Variants in TUBGCP6 observed in about 807,000 individuals in gnomAD.
The protein encoded by TUBGCP6 is gamma-tubulin complex component 6.
Under a neutral mutation model 175.8 loss-of-function variants are expected in TUBGCP6, and 161 were observed. That is an observed-to-expected ratio of 0.92 (90% CI 0.81 to 1.04). The LOEUF is 1.04. Ranked by LOEUF, TUBGCP6 falls within the 50% of genes least tolerant of loss-of-function variation. The pLI is 0.00. For synonymous variants in TUBGCP6, 1,173 were observed against 1,030.5 expected (o/e 1.14, Z -2.65); for missense variants, 2,572 against 2,433.0 (o/e 1.06, Z -1.20).
chr22:50,221,687 G>A lies in TUBGCP6; in HGVS notation c.2672C>T (p.Ser891Phe). ...GAAGTCTCCAATGCTGAGGCTGTCAGAGAAGGGTCTGGCCCCCTCCGCCTG... is the reference window on the plus strand; with the variant it reads ...GAAGTCTCCAATGCTGAGGCTGTCAAAGAAGGGTCTGGCCCCCTCCGCCTG... Reference protein sequence around the residue: ...LQQAEGARPFSDSLSIGDFLP... With the variant: ...LQQAEGARPFFDSLSIGDFLP... Residue 891 changes from serine to phenylalanine, a missense_variant, in exon 16 of 25, where the codon TCT (serine) becomes TTT (phenylalanine). Transcript: ENST00000248846. 6.6e-7 allele frequency: 1 copy of A among 1,518,312 alleles called. No individual in the cohort carries two copies. The highest frequency in any genetic ancestry group is 8.8e-7 in the Non-Finnish European group (1 of 1,134,786). The allele number at this position is 1,518,312 out of a possible 1,614,324, so 94.1% of individuals were successfully genotyped here. A position where few individuals can be genotyped will look rare whatever the true frequency, so the allele number is the denominator to read the frequency against.
In TUBGCP6 at chr22:50,226,121, G is replaced by A; in HGVS notation, c.1762C>T (p.Leu588=). 6.2e-7 allele frequency: 1 copy of A among 1,614,180 alleles called. No individual in the cohort carries two copies. The highest frequency in any genetic ancestry group is 8.5e-7 in the Non-Finnish European group (1 of 1,180,042). Residue 588 remains leucine, a synonymous_variant, in exon 9 of 25, where the codon CTG becomes TTG. Transcript: ENST00000248846. ...TATATGTCGTGGGCAATGTGCTTCA[G>A]AAACACGGGAACACAGTCCTCCACC... The part of the protein sequence containing the change: ...KEVEDCVPVF[L]KHIAHDIYVC...
At chr22:50,226,886 C>T (rs757926392) in intron 6 of TUBGCP6, 44 bp from the exon 7 acceptor site, 188 of 1,557,436 alleles carry the variant, frequency 1.2e-4, no homozygotes, top group Middle Eastern at 3.4e-4. Context: ...GCGCACCCAG[C>T]GCTGGGAGTG....
At chr22:50,230,080 T>A (rs1255686600) in intron 3 of TUBGCP6, among the ~76,000 whole-genome samples, 1 of 151,730 alleles carries the variant, frequency 6.6e-6, no homozygotes, top group Non-Finnish European at 1.5e-5. Context: ...CAGCCGCAAA[T>A]ACCCACGTTA....
Position 50,220,591 on chromosome 22 carries a change from C to T in TUBGCP6, c.3768G>A (p.Val1256=). 1 of 1,613,502 alleles carries T rather than the reference C, an allele frequency of 6.2e-7. No homozygotes were observed. The highest frequency in any genetic ancestry group is 1.1e-5 in the South Asian group (1 of 91,066). Residue 1256 remains valine, a synonymous_variant, in exon 16 of 25, where the codon GTG becomes GTA. Transcript: ENST00000248846. ...SDASISLGEP[V]SDVVSTRPRW... is the part of the protein sequence containing the mutation. ...GTGGCCGGGTGGAAACCACATCCGA[C>T]ACAGGCTCCCCCAAGCTGATGCTGG...
Position 50,244,594 on chromosome 22 carries a change from A to C in TUBGCP6, c.-135T>G. ...GGCGGCCTCTCCAATGCCGAAGCTC[A>C]GAACTGGTATTTTTTAAAGGAGGTC... On this transcript the variant is annotated 5_prime_UTR_variant, in exon 1 of 25. Coordinates refer to ENST00000248846, the MANE Select transcript of TUBGCP6 (RefSeq NM_020461.4). 7.3e-7 allele frequency: 1 copy of C among 1,373,860 alleles called. No homozygotes were observed. Among genetic ancestry groups the C allele is most frequent in the Non-Finnish European group, 9.5e-7 (1 of 1,050,800 alleles). The allele number at this position is 1,373,860 out of a possible 1,614,324, so 85.1% of individuals were successfully genotyped here.
chr22:50,234,616 A>ACAG (rs2064743632), intron 2 of TUBGCP6, among the ~76,000 whole-genome samples: 2 of 116,770 alleles, frequency 1.7e-5, no homozygotes, highest in Admixed American at 9.2e-5. Flanking sequence ...ACCCCTATCC[A>ACAG]CAGCAGCATC....
rs2064468259 is a variant in TUBGCP6 at position 50,219,049 on chromosome 22, C to G, written c.4626+19G>C. 2 of 1,610,992 alleles carry G rather than the reference C, an allele frequency of 1.2e-6. No individual in the cohort carries two copies. Among genetic ancestry groups the G allele is most frequent in the South Asian group, 2.2e-5 (2 of 90,948 alleles). ...GGCCTCCCCTCTACCACTGGCCCCA[C>G]CCCGTGTCCGGAGGCCACCTTCTCA... On this transcript the variant is annotated intron_variant, in intron 20 of 24. Transcript: ENST00000248846.
chr22:50,225,731 C>A, intron 10 of TUBGCP6, 63 bp downstream of exon 10: 1 of 1,556,484 alleles, frequency 6.4e-7, no homozygotes, highest in Non-Finnish European at 8.7e-7. Context: ...CCCCACCAAC[C>A]TGAGACCCCA....
intron 5 of TUBGCP6, 40 bp from the exon 6 acceptor site, chr22:50,227,117 A>T (rs775881964): frequency 1.3e-6 from 2 of 1,563,958 alleles, no homozygotes; most frequent in Non-Finnish European, 1.7e-6. Flanking sequence ...GACCGGGCTC[A>T]GGGTTCCCAG....
At position 50,221,409 on chromosome 22, in the gene TUBGCP6, G is replaced by T; in HGVS notation, c.2950C>A (p.Leu984Met). Residue 984 changes from leucine to methionine, a missense_variant, in exon 16 of 25, where the codon CTG becomes ATG. By Grantham distance (15) the Leu-to-Met change is conservative. Coordinates refer to ENST00000248846, the MANE Select transcript of TUBGCP6 (RefSeq NM_020461.4). ...ATCTTCCCACAACTGTCCTCCCACA[G>T]CTGTAGCCCTGAGCTGCCCAAGCTG... ...ECSLGSSGLQ[L>M]WEDSCGKMDA... is the part of the protein sequence containing the mutation. The T allele has an allele frequency of 1.9e-6, 3 of 1,604,852 alleles. No individual in the cohort carries two copies. The highest frequency in any genetic ancestry group is 2.5e-6 in the Non-Finnish European group (3 of 1,178,332).
At position 50,218,911 on chromosome 22, in the gene TUBGCP6, G is replaced by A. The variant is rs1485182042; in HGVS notation, c.4627-14C>T. On this transcript the variant is annotated splice_polypyrimidine_tract_variant and intron_variant, in intron 20 of 24. Transcript: ENST00000248846. Reference sequence around the variant, plus strand: ...CCCAGCTCCAAGCTAGGCAGAAAAGGGACCACCGTCCCCAGGAGTCCCAAG... The same window carrying A: ...CCCAGCTCCAAGCTAGGCAGAAAAGAGACCACCGTCCCCAGGAGTCCCAAG... 4 of 1,603,618 alleles carry A rather than the reference G, an allele frequency of 2.5e-6. No individual in the cohort carries two copies. The highest frequency in any genetic ancestry group is 2.2e-5 in the East Asian group (1 of 44,714).
chr22:50,220,535 G>A lies in TUBGCP6; in HGVS notation c.3824C>T (p.Pro1275Leu). Residue 1275 changes from proline (P) to leucine (L), a missense_variant, in exon 16 of 25, where the codon CCC becomes CTC. Coordinates refer to ENST00000248846, the MANE Select transcript of TUBGCP6 (RefSeq NM_020461.4). ...RWNTHVPIPP[P>L]HMVLGALSPE... ...TGAGAGAGCCCCCAGCACCATGTGGGGCGGAGGGATGGGTACATGGGTGTT... is the reference window on the plus strand; with the variant it reads ...TGAGAGAGCCCCCAGCACCATGTGGAGCGGAGGGATGGGTACATGGGTGTT... 1 of 1,613,588 alleles carries A rather than the reference G, an allele frequency of 6.2e-7. No individual in the cohort carries two copies. Among genetic ancestry groups the A allele is most frequent in the African/African-American group, 1.3e-5 (1 of 75,066 alleles).
At chr22:50,224,090 T>C (rs2064568682) in intron 13 of TUBGCP6, 51 bp downstream of exon 13, 1 of 1,535,086 alleles carries the variant, frequency 6.5e-7, no homozygotes, top group Non-Finnish European at 9.0e-7. Context: ...GCCAGAGCTA[T>C]GGGGCCCCTG....
intron 8 of TUBGCP6, 22 bp downstream of exon 8, chr22:50,226,265 C>T: frequency 1.2e-6 from 2 of 1,614,044 alleles, no homozygotes; most frequent in South Asian, 2.2e-5. Flanking sequence ...GGACCCCTGC[C>T]CCGCAATCAG....
rs1213593469 is a variant in TUBGCP6, at chr22:50,218,542, G to A, written c.4900C>T (p.Leu1634=). 1.9e-6 allele frequency: 3 copies of A among 1,613,814 alleles called. No homozygotes were observed. Among genetic ancestry groups the A allele is most frequent in the Non-Finnish European group, 2.5e-6 (3 of 1,179,990 alleles). Residue 1634 remains leucine (L), a synonymous_variant, in exon 22 of 25, where the codon CTG becomes TTG. Coordinates refer to ENST00000248846, the MANE Select transcript of TUBGCP6 (RefSeq NM_020461.4). The stretch of plus-strand genomic sequence containing the variant: ...TTGAGCGCCCACATCATGAGCTTCA[G>A]CTGCAGCAGGAAGGAGAAGACGCCG... ...YSGVFSFLLQ[L]KLMMWALKDV...
At chr22:50,232,546 G>A (rs1170962568) in intron 3 of TUBGCP6, among the ~76,000 whole-genome samples, 2 of 151,142 alleles carry the variant, frequency 1.3e-5, no homozygotes, top group Non-Finnish European at 2.9e-5. Flanking sequence ...GCAAGAGAGA[G>A]ACCCTGTCTC....
rs1042921404 is a variant in TUBGCP6 at position 50,243,856 on chromosome 22, A to G, written c.604T>C (p.Cys202Arg). ...TVGLFSFGDP[C>R]GDRFERDTRV... ...GTGTCTCTCTCGAACCTGTCACCAC[A>G]AGGGTCACCAAATGAGAAGAGCCCG... Residue 202 changes from cysteine to arginine, a missense_variant, in exon 1 of 25, where the codon TGT becomes CGT. Coordinates refer to ENST00000248846, the MANE Select transcript of TUBGCP6 (RefSeq NM_020461.4). 5.0e-6 allele frequency: 8 copies of G among 1,613,624 alleles called. No homozygotes were observed. The highest frequency in any genetic ancestry group is 5.9e-6 in the Non-Finnish European group (7 of 1,179,982).
chr22:50,229,530 C>G lies in TUBGCP6; in HGVS notation c.1164G>C (p.Ala388=), dbSNP rs532947239. ...GCAGGCTGCTGATGCTCTCGGGAGACGCTCCTGACACGTGGACGCCCCGCT... is the reference window on the plus strand; with the variant it reads ...GCAGGCTGCTGATGCTCTCGGGAGAGGCTCCTGACACGTGGACGCCCCGCT... ...VVKRGVHVSG[A]SPESISSLLS... The change falls in exon 4 of 25, where the codon GCG becomes GCC. Residue 388 remains alanine, a synonymous_variant. Transcript: ENST00000248846. The G allele has an allele frequency of 6.2e-7, 1 of 1,605,760 alleles. No individual in the cohort carries two copies. The highest frequency in any genetic ancestry group is 8.5e-7 in the Non-Finnish European group (1 of 1,176,600).
Position 50,224,550 on chromosome 22 carries a change from C to T in TUBGCP6, c.2026G>A (p.Ala676Thr). 1 of 1,614,160 alleles carries T rather than the reference C, an allele frequency of 6.2e-7. No homozygotes were observed. The change falls in exon 11 of 25, where the codon GCC becomes ACC. Residue 676 changes from alanine to threonine, a missense_variant. Coordinates refer to ENST00000248846, the MANE Select transcript of TUBGCP6 (RefSeq NM_020461.4). ...AGGACCCTGGATGCTGCTTCCCGGG[C>T]ATGAGCGATTAATTCTTGTTTTGCA... is the stretch of plus-strand genomic sequence containing the variant. ...EIAKQELIAH[A>T]REAASRVLSA...
Sources: gnomAD v4.1 joint callset for allele counts (sites outside exome capture counted in the v4.1 genomes callset) on GRCh38, gnomAD v4.1.1 for gene constraint, MANE v1.5 for transcripts, NCBI Gene and HGNC (gene_info 2026-07-23, HGNC 2026-07-21) for gene names.